The following TECR variants were observed in gnomAD, a reference collection of about 807,000 sequenced individuals.
TECR encodes trans-2,3-enoyl-CoA reductase.
TECR carries 19 observed loss-of-function variants against 50.6 expected under a neutral mutation model. That is an observed-to-expected ratio of 0.38 (90% CI 0.26 to 0.55). TECR has a LOEUF of 0.55. Ranked by LOEUF, TECR falls within the 20% of genes least tolerant of loss-of-function variation. The pLI, the probability that TECR is intolerant of heterozygous loss-of-function variation, is 0.79. For synonymous variants in TECR, 168 were observed against 163.5 expected, an observed-to-expected ratio of 1.03 and a Z score of -0.21; for missense variants, 313 against 408.3, an observed-to-expected ratio of 0.77 and a Z score of 2.01.
chr19:14,565,312 C>T lies in TECR; in HGVS notation c.753+22C>T, dbSNP rs1466951864. ...CGAGGTGAGGGGCTGCCTTACCCCT[C>T]TCTGCCCTGGGACTTGGGGTCCCAT... On this transcript the variant is annotated intron_variant, in intron 11 of 12. Transcript: ENST00000215567. 1.9e-6 allele frequency: 3 copies of T among 1,611,650 alleles called. No homozygotes were observed. In the South Asian group the frequency reaches 3.3e-5, roughly 18 times the overall value.
chr19:14,532,746 A>G (rs2072720371), intron 1 of TECR, among the ~76,000 whole-genome samples: 1 of 152,182 alleles, frequency 6.6e-6, no homozygotes, highest in Admixed American at 6.6e-5. Flanking sequence ...ATTGTAGGTC[A>G]GTAAAAATAG....
At chr19:14,554,695 C>G (rs1388112212) in intron 1 of TECR, among the ~76,000 whole-genome samples, 1 of 152,136 alleles carries the variant, frequency 6.6e-6, no homozygotes, top group Non-Finnish European at 1.5e-5. Context: ...TTCCCTGTAC[C>G]TCTCATCCCC....
chr19:14,546,680 A>G (rs2073317794), intron 1 of TECR, among the ~76,000 whole-genome samples: 1 of 151,960 alleles, frequency 6.6e-6, no homozygotes, highest in African/African-American at 2.4e-5. Context: ...TTTCTTAAAC[A>G]TTATTTTTTC....
intron 1 of TECR, chr19:14,532,402 C>T (rs1229545172): frequency 3.3e-5 from 5 of 150,734 alleles, no homozygotes; most frequent in African/African-American, 4.9e-5. Flanking sequence ...AAAAGTGAGC[C>T]GAGTGTTGTG....
At position 14,563,361 on chromosome 19, in the gene TECR, A is replaced by T; in HGVS notation, c.118+104A>T. 3.4e-6 allele frequency: 4 copies of T among 1,171,240 alleles called. No homozygotes were observed. Among genetic ancestry groups the T allele is most frequent in the Non-Finnish European group, 5.0e-6 (4 of 796,370 alleles). 72.6% of individuals were successfully genotyped at this position (1,171,240 alleles called of 1,614,324 possible). A position where few individuals can be genotyped will look rare whatever the true frequency, so the allele number is the denominator to read the frequency against. On this transcript the variant is annotated intron_variant, in intron 3 of 12. Coordinates refer to ENST00000215567, the MANE Select transcript of TECR (RefSeq NM_138501.6). This position sits in a 1 kb window ranked among gnomAD's most constrained non-coding sequence, Gnocchi z 5.3. ...ACCCCTCTCCCAGGGGCCTGCAGAG[A>T]TGCCCCAGTGTGGCCCAGGCTTCTG...
chr19:14,557,779 G>A (rs935214899), intron 1 of TECR, among the ~76,000 whole-genome samples: 4 of 146,696 alleles, frequency 2.7e-5, no homozygotes, highest in Non-Finnish European at 6.0e-5. Flanking sequence ...TTTTTGAGAT[G>A]GAGTCTTGCT....
intron 1 of TECR, among the ~76,000 whole-genome samples, chr19:14,542,353 T>TTG: frequency 1.3e-5 from 1 of 77,838 alleles, no homozygotes; most frequent in African/African-American, 5.1e-5. Context: ...TAGTGTTTTT[T>TTG]TTTTTTTTTT....
At chr19:14,557,203 A>G (rs930710441) in intron 1 of TECR, among the ~76,000 whole-genome samples, 2 of 150,702 alleles carry the variant, frequency 1.3e-5, no homozygotes, top group Non-Finnish European at 3.0e-5. Context: ...GCAATGGCAT[A>G]AACTCAGCTC....
intron 1 of TECR, 173 bp from the exon 2 acceptor site, chr19:14,562,352 G>T (rs879426125): frequency 2.0e-5 from 14 of 710,586 alleles, no homozygotes; most frequent in Non-Finnish European, 3.6e-5. Flanking sequence ...GGGGCTGCTG[G>T]CCACCGTGGG....
At chr19:14,555,336 C>T (rs2073681672) in intron 1 of TECR, among the ~76,000 whole-genome samples, 1 of 149,758 alleles carries the variant, frequency 6.7e-6, no homozygotes, top group Non-Finnish European at 1.5e-5. Context: ...GCAACCTCTG[C>T]CTCCTGGGTT....
intron 1 of TECR, among the ~76,000 whole-genome samples, chr19:14,561,734 C>T (rs978603100): frequency 3.3e-5 from 5 of 152,192 alleles, no homozygotes; most frequent in Admixed American, 1.3e-4. Flanking sequence ...TTCCACACTT[C>T]GAGAGAGGCT....
chr19:14,562,009 C>T (rs2073916717), intron 1 of TECR: 1 of 267,946 alleles, frequency 3.7e-6, no homozygotes, highest in Non-Finnish European at 7.2e-6. Context: ...TCATGCCTGC[C>T]CCTGGGGCTT....
At chr19:14,529,422 G>T (rs377110354), upstream of TECR, 2 of 604,858 alleles carry the variant, frequency 3.3e-6, no homozygotes, top group Non-Finnish European at 6.0e-6. Flanking sequence ...CCTCCTACAG[G>T]CGTTCCGCCC....
chr19:14,535,817 A>T (rs2072880150), intron 1 of TECR, among the ~76,000 whole-genome samples: 1 of 148,376 alleles, frequency 6.7e-6, no homozygotes, highest in African/African-American at 2.5e-5. Context: ...AGCTATAAAG[A>T]CCTTTCCTAT....
At chr19:14,561,416 C>T (rs1385881161) in intron 1 of TECR, among the ~76,000 whole-genome samples, 5 of 152,272 alleles carry the variant, frequency 3.3e-5, no homozygotes, top group South Asian at 2.1e-4. Flanking sequence ...GTCAGATCCC[C>T]GGGGGCTGCC....
chr19:14,549,497 A>G (rs1047184991), intron 1 of TECR, among the ~76,000 whole-genome samples: 2 of 151,910 alleles, frequency 1.3e-5, no homozygotes, highest in African/African-American at 2.4e-5. Flanking sequence ...CTAAGTTTTT[A>G]AAAGTTTTTG....
chr19:14,545,448 G>A lies in TECR; in HGVS notation c.15+15737G>A, dbSNP rs1223166895. Among the ~76,000 whole-genome samples the A allele has an allele frequency of 4.4e-5, 6 of 135,726 alleles. No homozygotes were observed. In the Admixed American group the frequency reaches 4.6e-4, roughly 10 times the overall value. 89.0% of individuals were successfully genotyped at this position (135,726 alleles called of 152,430 possible). ...CTCTCCACAGCTCCTGGTACATCGTGACCCCGTATTATGTAATAGGTGCTT... is the reference window on the plus strand; with the variant it reads ...CTCTCCACAGCTCCTGGTACATCGTAACCCCGTATTATGTAATAGGTGCTT... On this transcript the variant is annotated intron_variant, in intron 1 of 12. Coordinates refer to ENST00000215567, the MANE Select transcript of TECR (RefSeq NM_138501.6).
chr19:14,530,468 T>A (rs1217643135), intron 1 of TECR: 1 of 152,226 alleles, frequency 6.6e-6, no homozygotes, highest in East Asian at 1.9e-4. Flanking sequence ...TAAGTAACTA[T>A]CATCAAATAA....
chr19:14,556,219 G>A (rs1177553310), intron 1 of TECR, among the ~76,000 whole-genome samples: 1 of 152,094 alleles, frequency 6.6e-6, no homozygotes, highest in Non-Finnish European at 1.5e-5. Flanking sequence ...TCCAGCCTCA[G>A]GGCCTTGGCA....
Sources: gnomAD v4.1 joint callset for allele counts (sites outside exome capture counted in the v4.1 genomes callset) on GRCh38, gnomAD v4.1.1 for gene constraint, Gnocchi (gnomAD v3.1) non-coding constraint, MANE v1.5 for transcripts, NCBI Gene and HGNC (gene_info 2026-07-23, HGNC 2026-07-21) for gene names.